The following SYNE1 variants were observed in gnomAD, a reference collection of about 807,000 sequenced individuals.
SYNE1 encodes nesprin-1.
In SYNE1, 616 loss-of-function variants were observed where a neutral mutation model predicts 1,111.0. That is an observed-to-expected ratio of 0.55 (90% CI 0.52 to 0.59). The LOEUF is 0.59. Ranked by LOEUF, SYNE1 falls within the 20% of genes least tolerant of loss-of-function variation. The pLI is 0.00. For synonymous variants in SYNE1, 3,855 were observed against 3,825.8 expected (o/e 1.01, Z -0.28); for missense variants, 10,006 against 10,417.0 (o/e 0.96, Z 1.72).
chr6:152,381,081 G>A lies in SYNE1; in HGVS notation c.8934C>T (p.Thr2978=), dbSNP rs1311688178. 4 of 1,614,082 alleles carry A rather than the reference G, an allele frequency of 2.5e-6. No homozygotes were observed. The highest frequency in any genetic ancestry group is 2.5e-6 in the Non-Finnish European group (3 of 1,180,044). The change falls in exon 56 of 146, where the codon ACC becomes ACT. Residue 2978 remains threonine (T), a synonymous_variant. Coordinates refer to ENST00000367255, the MANE Select transcript of SYNE1 (RefSeq NM_182961.4). ...CCAGGAGGGTTAACTGCTGAGCCCA[G>A]GTTTTCAGAAGGGCACTGAACTGTT... The part of the protein sequence containing the change: ...ALEQFSALLK[T]WAQQLTLLEG...
intron 81 of SYNE1, among the ~76,000 whole-genome samples, chr6:152,324,335 G>A (rs749860214): frequency 1.3e-5 from 2 of 152,030 alleles, no homozygotes; most frequent in African/African-American, 4.8e-5. Context: ...GGGGGTGGAG[G>A]TTGCAGTGAG....
intron 2 of SYNE1, among the ~76,000 whole-genome samples, chr6:152,636,076 A>T (rs80174055): frequency 6.6e-6 from 1 of 152,200 alleles, no homozygotes; most frequent in Non-Finnish European, 1.5e-5. Context: ...ACGTATCTTT[A>T]TAAAGAGGAG....
intron 3 of SYNE1, among the ~76,000 whole-genome samples, chr6:152,578,410 CA>C (rs1450216587): frequency 6.6e-6 from 1 of 152,136 alleles, no homozygotes; most frequent in Non-Finnish European, 1.5e-5. Flanking sequence ...GCCTGGCCAA[CA>C]TGGTGAAATC....
Position 152,462,741 on chromosome 6 carries a change from C to T in SYNE1, c.2247G>A (p.Leu749=), listed in dbSNP as rs201537074. The T allele has an allele frequency of 7.4e-5, 119 of 1,613,898 alleles. No homozygotes were observed. Among genetic ancestry groups the T allele is most frequent in the Non-Finnish European group, 9.1e-5 (107 of 1,179,948 alleles). ...FMNVKLLIQD[L]EDIEQRVPVM... ...TTTTGATTCAGAAACCCCTCACCTC[C>T]AAGTCTTGAATTAATAGCTTGACAT... is the stretch of plus-strand genomic sequence containing the variant. The change falls in exon 20 of 146, where the codon TTG becomes TTA. Residue 749 remains leucine, a synonymous_variant. Coordinates refer to ENST00000367255, the MANE Select transcript of SYNE1 (RefSeq NM_182961.4).
At chr6:152,317,868 C>T (rs2095772535) in intron 86 of SYNE1, among the ~76,000 whole-genome samples, 1 of 152,220 alleles carries the variant, frequency 6.6e-6, no homozygotes, top group Non-Finnish European at 1.5e-5. Context: ...CCACCTTTGT[C>T]AGTGACTTTA....
intron 4 of SYNE1, among the ~76,000 whole-genome samples, chr6:152,531,570 T>C (rs1356545809): frequency 6.6e-6 from 1 of 152,244 alleles, no homozygotes; most frequent in Admixed American, 6.5e-5. Flanking sequence ...GTGTTAAATA[T>C]TTCCACATTA....
intron 32 of SYNE1, among the ~76,000 whole-genome samples, chr6:152,438,446 A>G (rs886416185): frequency 3.3e-5 from 5 of 152,222 alleles, no homozygotes; most frequent in African/African-American, 1.2e-4. Flanking sequence ...ATGGTGATAA[A>G]AAAACAAAAT....
At chr6:152,510,160 G>T in intron 8 of SYNE1, 33 bp downstream of exon 8, 1 of 1,601,470 alleles carries the variant, frequency 6.2e-7, no homozygotes, top group South Asian at 1.1e-5. Context: ...TCAATTTAAC[G>T]GTTTCAAATT....
intron 24 of SYNE1, among the ~76,000 whole-genome samples, chr6:152,454,408 ACTCT>A (rs1202225197): frequency 1.3e-5 from 2 of 151,816 alleles, no homozygotes; most frequent in Non-Finnish European, 2.9e-5. Flanking sequence ...TTGCTAGCTC[ACTCT>A]CTCTGCCATG....
chr6:152,386,220 TTCATAACAG>T (rs1741527756), intron 54 of SYNE1, among the ~76,000 whole-genome samples: 1 of 152,204 alleles, frequency 6.6e-6, no homozygotes, highest in Admixed American at 6.5e-5. Flanking sequence ...TCATTTAATC[TTCATAACAG>T]TCCTGTGAGG....
intron 104 of SYNE1, among the ~76,000 whole-genome samples, chr6:152,251,011 G>A (rs948867433): frequency 5.3e-5 from 8 of 152,188 alleles, no homozygotes; most frequent in South Asian, 2.1e-4. Flanking sequence ...GTGCGGTGGC[G>A]CGATCTCGGC....
intron 2 of SYNE1, among the ~76,000 whole-genome samples, chr6:152,635,380 C>T (rs1254363981): frequency 6.6e-6 from 1 of 152,092 alleles, no homozygotes; most frequent in Non-Finnish European, 1.5e-5. Context: ...ATAGATCTCT[C>T]ACATTTTGTT....
At chr6:152,179,958 C>T (rs1267257625) in intron 129 of SYNE1, among the ~76,000 whole-genome samples, 178 bp downstream of exon 129, 1 of 152,046 alleles carries the variant, frequency 6.6e-6, no homozygotes, top group East Asian at 1.9e-4. Flanking sequence ...GCTGGGATTA[C>T]AGGCGTGAGC....
Position 152,147,899 on chromosome 6 carries a change from A to T in SYNE1, c.24976+146T>A, listed in dbSNP as rs972673153. 8 of 758,868 alleles carry T rather than the reference A, an allele frequency of 1.1e-5. No homozygotes were observed. The South Asian group carries it at 1.3e-4, about 13-fold the overall frequency. 47.0% of individuals were successfully genotyped at this position (758,868 alleles called of 1,614,324 possible). ...ACCAAATTTTGCATTTTATAATCAC[A>T]TTCATATCTAAGTGTTCACTTAGGT... On this transcript the variant is annotated intron_variant, in intron 137 of 145. Coordinates refer to ENST00000367255, the MANE Select transcript of SYNE1 (RefSeq NM_182961.4).
rs1563389663 is a variant in SYNE1, at chr6:152,364,730, G to GAGGGAGGA, written c.10145+116_10145+117insTCCTCCCT. 1.5e-4 allele frequency: 100 copies of GAGGGAGGA among 689,438 alleles called. 2 individuals carry two copies. The highest frequency in any genetic ancestry group is 1.2e-3 in the South Asian group (72 of 60,048). The allele number at this position is 689,438 out of a possible 1,614,324, so 42.7% of individuals were successfully genotyped here. A position where few individuals can be genotyped will look rare whatever the true frequency, so the allele number is the denominator to read the frequency against. On this transcript the variant is annotated intron_variant, in intron 63 of 145. Transcript: ENST00000367255. ...GAAGGAAGGAAGGAAGGAAGGAAGG[G>GAGGGAGGA]AGGAAGGAAAGGAAAGGGAAGGGAA... is the stretch of plus-strand genomic sequence containing the variant.
rs202191392 is a variant in SYNE1, at chr6:152,268,177, A to G, written c.18706-12T>C. 29 of 1,605,472 alleles carry G rather than the reference A, an allele frequency of 1.8e-5. No individual in the cohort carries two copies. The East Asian group carries it at 6.2e-4, about 35-fold the overall frequency. On this transcript the variant is annotated splice_polypyrimidine_tract_variant and intron_variant, in intron 99 of 145. Coordinates refer to ENST00000367255, the MANE Select transcript of SYNE1 (RefSeq NM_182961.4). ...TCCTGTTCTAACTCCTGCTCAAGGGAAAGGACAAACGCAAACACATTTGCT... is the reference window on the plus strand; with the variant it reads ...TCCTGTTCTAACTCCTGCTCAAGGGGAAGGACAAACGCAAACACATTTGCT...
At chr6:152,533,675 A>G (rs904602578) in intron 4 of SYNE1, among the ~76,000 whole-genome samples, 1 of 152,050 alleles carries the variant, frequency 6.6e-6, no homozygotes, top group Non-Finnish European at 1.5e-5. Flanking sequence ...GCTTCTCTTC[A>G]GTCTACGTTC....
chr6:152,255,477 AT>A (rs1448711952), intron 103 of SYNE1, 113 bp downstream of exon 103: 2 of 1,204,240 alleles, frequency 1.7e-6, no homozygotes, highest in Non-Finnish European at 2.5e-6. Context: ...TATGTTCTGC[AT>A]TATTAGAATT....
At chr6:152,233,116 A>G (rs1475562474) in intron 112 of SYNE1, among the ~76,000 whole-genome samples, 2 of 152,240 alleles carry the variant, frequency 1.3e-5, no homozygotes, top group African/African-American at 4.8e-5. Context: ...GCTCTCCTAT[A>G]CATAAGATAT....
Sources: gnomAD v4.1 joint callset for allele counts (sites outside exome capture counted in the v4.1 genomes callset) on GRCh38, gnomAD v4.1.1 for gene constraint, MANE v1.5 for transcripts, NCBI Gene and HGNC (gene_info 2026-07-23, HGNC 2026-07-21) for gene names.